SNX4: variants seen among roughly 807,000 people sequenced by gnomAD.
The protein encoded by SNX4 is sorting nexin 4.
A neutral mutation model predicts 70.8 loss-of-function variants in SNX4; 49 were observed. That is an observed-to-expected ratio of 0.69 (90% CI 0.55 to 0.88). The LOEUF (loss-of-function observed/expected upper bound fraction) is 0.88, where lower values mean the gene tolerates loss of function less well. Ranked by LOEUF, SNX4 falls within the 40% of genes least tolerant of loss-of-function variation. The pLI is 0.00. For missense variants in SNX4, 528 were observed against 544.8 expected, an observed-to-expected ratio of 0.97 and a Z score of 0.31; for synonymous variants, 206 against 183.8, an observed-to-expected ratio of 1.12 and a Z score of -0.98.
At chr3:125,519,298 C>A (rs978437579) in intron 1 of SNX4, among the ~76,000 whole-genome samples, 3 of 152,102 alleles carry the variant, frequency 2.0e-5, no homozygotes, top group Non-Finnish European at 4.4e-5. Context: ...TAAGATGATA[C>A]ATTTTTCCCC....
At position 125,447,593 on chromosome 3, in the gene SNX4, A is replaced by G; in HGVS notation, c.*186T>C. 1 of 460,206 alleles carries G rather than the reference A, an allele frequency of 2.2e-6. No homozygotes were observed. The allele number at this position is 460,206 out of a possible 1,614,324, so 28.5% of individuals were successfully genotyped here. On this transcript the variant is annotated 3_prime_UTR_variant, in exon 14 of 14. Coordinates refer to ENST00000251775, the MANE Select transcript of SNX4 (RefSeq NM_003794.4). ...AGTCCCCAAAACCTCAAATTATAAT[A>G]TTTAATCTTCATTAAAATATATTTT...
intron 13 of SNX4, among the ~76,000 whole-genome samples, chr3:125,451,032 G>A (rs965731197): frequency 2.6e-5 from 4 of 152,124 alleles, no homozygotes; most frequent in Non-Finnish European, 4.4e-5. Context: ...TTGGGAGGCC[G>A]AGGCAGGAGG....
At chr3:125,469,833 G>A (rs1020169426) in intron 8 of SNX4, among the ~76,000 whole-genome samples, 3 of 152,158 alleles carry the variant, frequency 2.0e-5, no homozygotes, top group African/African-American at 7.2e-5. Flanking sequence ...AAAAAATACG[G>A]ATGCTAGCCC....
intron 8 of SNX4, among the ~76,000 whole-genome samples, chr3:125,473,536 T>G (rs1470123165): frequency 6.6e-6 from 1 of 152,110 alleles, no homozygotes; most frequent in Admixed American, 6.5e-5. Flanking sequence ...CACCTCAGCC[T>G]CCCAAGTAGC....
intron 1 of SNX4, among the ~76,000 whole-genome samples, chr3:125,508,884 C>T (rs570162965): frequency 6.2e-5 from 9 of 145,344 alleles, no homozygotes; most frequent in Non-Finnish European, 1.2e-4. Context: ...GGTTCAAAGA[C>T]CAAAGCACAA....
At chr3:125,454,308 G>A (rs1273945229) in intron 11 of SNX4, among the ~76,000 whole-genome samples, 1 of 152,256 alleles carries the variant, frequency 6.6e-6, no homozygotes, top group Non-Finnish European at 1.5e-5. Flanking sequence ...TCTGCCTCCT[G>A]TCAGATCAGC....
At chr3:125,517,897 G>A (rs972299755) in intron 1 of SNX4, among the ~76,000 whole-genome samples, 1 of 151,324 alleles carries the variant, frequency 6.6e-6, no homozygotes, top group Non-Finnish European at 1.5e-5. Context: ...AATCGCTTGA[G>A]CCTGGGAGGC....
chr3:125,493,261 T>C (rs1163709800), intron 5 of SNX4, among the ~76,000 whole-genome samples: 1 of 152,148 alleles, frequency 6.6e-6, no homozygotes, highest in Non-Finnish European at 1.5e-5. Context: ...AGTATTTATA[T>C]AAATATTCCA....
chr3:125,474,418 A>C (rs972734961), intron 8 of SNX4, among the ~76,000 whole-genome samples: 6 of 152,138 alleles, frequency 3.9e-5, no homozygotes, highest in African/African-American at 1.4e-4. Flanking sequence ...CCTGGGCTCA[A>C]GTGTTCCTCC....
At chr3:125,489,815 T>A (rs1055029803) in intron 5 of SNX4, among the ~76,000 whole-genome samples, 2 of 152,180 alleles carry the variant, frequency 1.3e-5, no homozygotes, top group African/African-American at 4.8e-5. Flanking sequence ...GATACGTATA[T>A]ATAAACTAAA....
intron 8 of SNX4, among the ~76,000 whole-genome samples, chr3:125,474,730 T>C (rs1934253030): frequency 6.6e-6 from 1 of 152,240 alleles, no homozygotes; most frequent in Non-Finnish European, 1.5e-5. Context: ...TTCTTTAAAG[T>C]TTGATTCAAC....
At chr3:125,459,317 T>C (rs1933815275) in intron 10 of SNX4, among the ~76,000 whole-genome samples, 1 of 152,240 alleles carries the variant, frequency 6.6e-6, no homozygotes, top group Admixed American at 6.5e-5. Flanking sequence ...ACCATATCCA[T>C]GCACCCCAAA....
chr3:125,483,875 C>T (rs1446491342), intron 6 of SNX4, among the ~76,000 whole-genome samples: 2 of 151,982 alleles, frequency 1.3e-5, no homozygotes, highest in Non-Finnish European at 2.9e-5. Context: ...CTTCTTAGCC[C>T]AAGTCAAAAT....
chr3:125,448,559 G>A (rs539397951), intron 13 of SNX4, among the ~76,000 whole-genome samples: 25 of 151,174 alleles, frequency 1.7e-4, no homozygotes, highest in African/African-American at 5.6e-4. Context: ...CTAAATTACT[G>A]AATCCCTCTT....
intron 6 of SNX4, among the ~76,000 whole-genome samples, chr3:125,481,982 C>A (rs1367799266): frequency 6.6e-6 from 1 of 152,054 alleles, no homozygotes; most frequent in Non-Finnish European, 1.5e-5. Context: ...GATCCACCTG[C>A]CTCAGCCTCC....
At chr3:125,498,755 G>A (rs1298215139) in intron 2 of SNX4, among the ~76,000 whole-genome samples, 7 of 152,082 alleles carry the variant, frequency 4.6e-5, no homozygotes. Context: ...CTTTCTTTCT[G>A]TTACAGAAAG....
At chr3:125,512,144 C>T (rs985560353) in intron 1 of SNX4, among the ~76,000 whole-genome samples, 1 of 152,088 alleles carries the variant, frequency 6.6e-6, no homozygotes, top group African/African-American at 2.4e-5. Context: ...CTCAAGAAAT[C>T]ACCTAAGCAC....
chr3:125,453,102 T>C (rs1268194400), intron 12 of SNX4, among the ~76,000 whole-genome samples: 1 of 152,182 alleles, frequency 6.6e-6, no homozygotes, highest in Non-Finnish European at 1.5e-5. Flanking sequence ...GAACTGAATT[T>C]CTAGAAATAC....
At chr3:125,477,127 AT>A (rs1159104918) in intron 7 of SNX4, among the ~76,000 whole-genome samples, 8 of 152,272 alleles carry the variant, frequency 5.3e-5, no homozygotes, top group Admixed American at 2.6e-4. Context: ...TCTTGTTGGG[AT>A]TCAGTTATTC....
Sources: gnomAD v4.1 joint callset for allele counts (sites outside exome capture counted in the v4.1 genomes callset) on GRCh38, gnomAD v4.1.1 for gene constraint, MANE v1.5 for transcripts, NCBI Gene and HGNC (gene_info 2026-07-23, HGNC 2026-07-21) for gene names.